The following POU6F2 variants were observed in gnomAD, a reference collection of about 807,000 sequenced individuals.
The protein encoded by POU6F2 is POU class 6 homeobox 2.
Under a neutral mutation model 71.3 loss-of-function variants are expected in POU6F2, and 31 were observed. That is an observed-to-expected ratio of 0.43 (90% CI 0.33 to 0.59). The LOEUF is 0.59. POU6F2 is among the 20% of genes least tolerant of loss of function. POU6F2 has a pLI of 0.04. For synonymous variants in POU6F2, 347 were observed against 355.7 expected (o/e 0.98, Z 0.27); for missense variants, 783 against 856.8 (o/e 0.91, Z 1.07).
At chr7:39,268,167 G>A (rs143423715) in intron 4 of POU6F2, among the ~76,000 whole-genome samples, 118 of 152,306 alleles carry the variant, frequency 7.7e-4, no homozygotes, top group Admixed American at 1.4e-3. Context: ...GAGTGTGAAA[G>A]TCACACAGTC....
chr7:39,302,313 A>G (rs1172231737), intron 4 of POU6F2, among the ~76,000 whole-genome samples: 1 of 152,222 alleles, frequency 6.6e-6, no homozygotes, highest in Admixed American at 6.5e-5. Context: ...AGATGGATCT[A>G]ATACCAAAAA....
At chr7:39,333,251 C>T (rs1785695151) in intron 4 of POU6F2, among the ~76,000 whole-genome samples, 1 of 152,148 alleles carries the variant, frequency 6.6e-6, no homozygotes, top group African/African-American at 2.4e-5. Flanking sequence ...TCAGACTTAA[C>T]CTGTCCTAAA....
intron 1 of POU6F2, among the ~76,000 whole-genome samples, chr7:39,078,623 T>C (rs1791044621): frequency 6.6e-6 from 1 of 152,188 alleles, no homozygotes; most frequent in Non-Finnish European, 1.5e-5. Context: ...GAATATCAAT[T>C]AAGGCAACTG....
intron 1 of POU6F2, among the ~76,000 whole-genome samples, chr7:39,040,733 A>C (rs1790175561): frequency 2.0e-5 from 3 of 151,912 alleles, no homozygotes; most frequent in African/African-American, 7.2e-5. Flanking sequence ...ATAATTTAAG[A>C]AAAGTATTCA....
In POU6F2 at chr7:39,464,808, C is replaced by G; in HGVS notation, c.*122C>G. On this transcript the variant is annotated 3_prime_UTR_variant, in exon 10 of 10. Transcript: ENST00000518318. The surrounding 1 kb of genome is among the most constrained non-coding windows in gnomAD (Gnocchi z 4.1). The stretch of plus-strand genomic sequence containing the variant: ...TAAAAATAGCCCCAGTCGTCATCAC[C>G]CTTGTAAGTAAATGACTAAGAAAAC... 1 of 1,191,432 alleles carries G rather than the reference C, an allele frequency of 8.4e-7. No homozygotes were observed. Among genetic ancestry groups the G allele is most frequent in the Non-Finnish European group, 1.1e-6 (1 of 877,304 alleles). The allele number at this position is 1,191,432 out of a possible 1,614,324, so 73.8% of individuals were successfully genotyped here.
intron 1 of POU6F2, among the ~76,000 whole-genome samples, chr7:38,989,984 CATCTATCATCTGTAT>C (rs1303492059): frequency 6.6e-6 from 1 of 152,062 alleles, no homozygotes; most frequent in Non-Finnish European, 1.5e-5. Flanking sequence ...TTCTGTCAAT[CATCTATCATCTGTAT>C]ATCTATCATC....
chr7:39,082,183 G>T (rs1791134272), intron 1 of POU6F2, among the ~76,000 whole-genome samples: 1 of 152,200 alleles, frequency 6.6e-6, no homozygotes, highest in Non-Finnish European at 1.5e-5. Context: ...GAAAATTTTT[G>T]TTGTGATTTT....
At chr7:39,038,546 C>A (rs1209061350) in intron 1 of POU6F2, among the ~76,000 whole-genome samples, 1 of 151,970 alleles carries the variant, frequency 6.6e-6, no homozygotes, top group African/African-American at 2.4e-5. Flanking sequence ...GAAAATTTAG[C>A]CTTAAGGCAA....
intron 4 of POU6F2, among the ~76,000 whole-genome samples, chr7:39,284,690 T>G (rs1415760564): frequency 6.6e-6 from 1 of 152,202 alleles, no homozygotes; most frequent in Non-Finnish European, 1.5e-5. Flanking sequence ...TACTTTCTGT[T>G]TGGTATTTTA....
chr7:39,096,430 T>C (rs902532680), intron 2 of POU6F2, among the ~76,000 whole-genome samples: 1 of 152,166 alleles, frequency 6.6e-6, no homozygotes, highest in African/African-American at 2.4e-5. Flanking sequence ...AATTCAAGAT[T>C]ATATTCAACA....
At chr7:39,142,600 A>G (rs1029921280) in intron 2 of POU6F2, among the ~76,000 whole-genome samples, 1 of 152,246 alleles carries the variant, frequency 6.6e-6, no homozygotes, top group South Asian at 2.1e-4. Context: ...GAAACTTCAT[A>G]AACCTTTGAT....
At chr7:38,986,635 A>T (rs1186390620) in intron 1 of POU6F2, among the ~76,000 whole-genome samples, 6 of 152,196 alleles carry the variant, frequency 3.9e-5, no homozygotes, top group Admixed American at 3.9e-4. Flanking sequence ...ATTACATGGT[A>T]GACTCCTATG....
intron 5 of POU6F2, among the ~76,000 whole-genome samples, chr7:39,379,972 C>A (rs1007031300): frequency 2.0e-5 from 3 of 152,208 alleles, no homozygotes; most frequent in Admixed American, 1.3e-4. Flanking sequence ...TTTTACTCTT[C>A]TTGCTTCAAC....
intron 2 of POU6F2, among the ~76,000 whole-genome samples, chr7:39,131,674 G>T (rs2128729759): frequency 6.6e-6 from 1 of 152,226 alleles, no homozygotes; most frequent in Non-Finnish European, 1.5e-5. Context: ...AAGTGCCATA[G>T]CCCATGTTGA....
chr7:39,296,034 A>G (rs1359164666), intron 4 of POU6F2, among the ~76,000 whole-genome samples: 1 of 152,228 alleles, frequency 6.6e-6, no homozygotes, highest in Non-Finnish European at 1.5e-5. Context: ...TGTCATCTGT[A>G]ATAGCTTTAT....
intron 2 of POU6F2, among the ~76,000 whole-genome samples, chr7:39,141,869 C>A (rs568827788): frequency 6.6e-6 from 1 of 152,102 alleles, no homozygotes; most frequent in Non-Finnish European, 1.5e-5. Context: ...GAGCGGATCA[C>A]GAGGTCAGGA....
At chr7:39,425,104 T>C (rs1294509359) in intron 6 of POU6F2, among the ~76,000 whole-genome samples, 1 of 152,144 alleles carries the variant, frequency 6.6e-6, no homozygotes, top group Non-Finnish European at 1.5e-5. Flanking sequence ...CCATACTCTA[T>C]ATGCAAATTA....
intron 4 of POU6F2, among the ~76,000 whole-genome samples, chr7:39,255,175 C>A (rs1160258014): frequency 6.6e-6 from 1 of 152,060 alleles, no homozygotes; most frequent in Non-Finnish European, 1.5e-5. Context: ...AACAAATGAT[C>A]ACTTTAAAAA....
intron 2 of POU6F2, among the ~76,000 whole-genome samples, chr7:39,123,301 C>T (rs889649082): frequency 1.3e-5 from 2 of 152,208 alleles, no homozygotes; most frequent in African/African-American, 4.8e-5. Flanking sequence ...AATACACATT[C>T]TCCATCCCCT....
Sources: gnomAD v4.1 joint callset for allele counts (sites outside exome capture counted in the v4.1 genomes callset) on GRCh38, gnomAD v4.1.1 for gene constraint, Gnocchi (gnomAD v3.1) non-coding constraint, MANE v1.5 for transcripts, NCBI Gene and HGNC (gene_info 2026-07-23, HGNC 2026-07-21) for gene names.